Variants in FGGY observed in about 807,000 individuals in gnomAD.
FGGY encodes the protein FGGY carbohydrate kinase domain-containing protein.
A neutral mutation model predicts 71.3 loss-of-function variants in FGGY; 72 were observed. That is an observed-to-expected ratio of 1.01 (90% CI 0.84 to 1.23). The LOEUF is 1.23. Among genes scored for constraint, FGGY ranks in the 50% most tolerant of loss-of-function variants. The pLI, the probability that FGGY is intolerant of heterozygous loss-of-function variation, is 0.00. For synonymous variants in FGGY, 251 were observed against 250.3 expected (o/e 1.00, Z -0.02); for missense variants, 668 against 682.3 (o/e 0.98, Z 0.23).
At chr1:59,662,999 T>G (rs2097291218) in intron 12 of FGGY, among the ~76,000 whole-genome samples, 1 of 151,594 alleles carries the variant, frequency 6.6e-6, no homozygotes, top group Admixed American at 6.6e-5. Context: ...TGGTGTGATA[T>G]TCCCCCTTTT....
intron 1 of FGGY, among the ~76,000 whole-genome samples, chr1:59,306,843 A>G (rs969174357): frequency 6.6e-6 from 1 of 152,216 alleles, no homozygotes; most frequent in Non-Finnish European, 1.5e-5. Flanking sequence ...TAAATATATT[A>G]CCAGTCCCTT....
Position 59,607,881 on chromosome 1 carries a change from G to T in FGGY, c.982G>T (p.Glu328Ter), listed in dbSNP as rs2096638548. Residue 328 changes from glutamate (E) to a stop codon, truncating the protein, a stop_gained, in exon 9 of 16, where the codon GAA becomes TAA. Coordinates refer to ENST00000303721, the MANE Select transcript of FGGY (RefSeq NM_018291.5). LOFTEE classifies it high-confidence loss of function. ...SAMVPGFWLNEGGQSVTGKLI... is the reference protein window; with the variant it reads ...SAMVPGFWLN ...CATGGTACCTGGGTTCTGGCTGAAT[G>T]AAGGTGGTCAGAGCGTTACTGGAAA... 6.2e-7 allele frequency: 1 copy of T among 1,614,112 alleles called. No individual in the cohort carries two copies. The highest frequency in any genetic ancestry group is 8.5e-7 in the Non-Finnish European group (1 of 1,179,968).
At chr1:59,489,914 G>T (rs1017094054) in intron 6 of FGGY, among the ~76,000 whole-genome samples, 1 of 152,058 alleles carries the variant, frequency 6.6e-6, no homozygotes, top group Non-Finnish European at 1.5e-5. Context: ...TATCCTAACT[G>T]GGATAAGATG....
intron 1 of FGGY, among the ~76,000 whole-genome samples, chr1:59,314,250 C>G (rs993859716): frequency 1.3e-5 from 2 of 152,180 alleles, no homozygotes; most frequent in Admixed American, 1.3e-4. Flanking sequence ...CAGGCGTGAG[C>G]CACCGCACCT....
At chr1:59,517,316 A>AGT (rs1402647084) in intron 7 of FGGY, among the ~76,000 whole-genome samples, 1 of 115,550 alleles carries the variant, frequency 8.7e-6, no homozygotes, top group African/African-American at 3.4e-5. Flanking sequence ...CCCAGGCTGG[A>AGT]GTGCAGTGGC....
At chr1:59,332,750 C>T (rs2048741173) in intron 2 of FGGY, among the ~76,000 whole-genome samples, 1 of 152,088 alleles carries the variant, frequency 6.6e-6, no homozygotes, top group Admixed American at 6.5e-5. Flanking sequence ...AAATATTTTC[C>T]TTGCTCCTAC....
chr1:59,565,611 C>G (rs781715994), intron 8 of FGGY, among the ~76,000 whole-genome samples: 2 of 152,180 alleles, frequency 1.3e-5, no homozygotes, highest in Admixed American at 6.5e-5. Context: ...GTTTGCCACT[C>G]AGGCAGTTGG....
At chr1:59,465,096 C>T (rs976548683) in intron 6 of FGGY, among the ~76,000 whole-genome samples, 2 of 152,148 alleles carry the variant, frequency 1.3e-5, no homozygotes, top group Non-Finnish European at 2.9e-5. Flanking sequence ...TGATGAACAT[C>T]GATGCAGAAA....
At chr1:59,561,013 G>A (rs2095784678) in intron 8 of FGGY, among the ~76,000 whole-genome samples, 1 of 152,212 alleles carries the variant, frequency 6.6e-6, no homozygotes, top group African/African-American at 2.4e-5. Context: ...GGCCTGAGCA[G>A]GATGTGGGTG....
At chr1:59,421,402 T>A (rs2065393103) in intron 5 of FGGY, among the ~76,000 whole-genome samples, 1 of 152,062 alleles carries the variant, frequency 6.6e-6, no homozygotes, top group Non-Finnish European at 1.5e-5. Context: ...ACAGAAAAAT[T>A]TTTTAAAAGC....
At chr1:59,516,342 G>A (rs1183090349) in intron 7 of FGGY, among the ~76,000 whole-genome samples, 1 of 152,204 alleles carries the variant, frequency 6.6e-6, no homozygotes, top group Non-Finnish European at 1.5e-5. Flanking sequence ...AGGCACTGGA[G>A]ATTATTAGCA....
intron 6 of FGGY, among the ~76,000 whole-genome samples, chr1:59,477,458 A>G (rs1408209429): frequency 6.6e-6 from 1 of 152,168 alleles, no homozygotes; most frequent in Non-Finnish European, 1.5e-5. Flanking sequence ...CTGCGTTGCC[A>G]TGAACCCTAT....
chr1:59,414,005 A>G lies in FGGY; in HGVS notation c.554+35168A>G, dbSNP rs138506970. Reference sequence around the variant, plus strand: ...ATTTGGCAGTGCTGGACCCTTCTACATGGAGCTGGGGACAAAAATCTGCTG... The same window carrying G: ...ATTTGGCAGTGCTGGACCCTTCTACGTGGAGCTGGGGACAAAAATCTGCTG... On this transcript the variant is annotated intron_variant, in intron 5 of 15. Coordinates refer to ENST00000303721, the MANE Select transcript of FGGY (RefSeq NM_018291.5). Among the ~76,000 whole-genome samples the G allele has an allele frequency of 1.2e-4, 18 of 152,344 alleles. No individual in the cohort carries two copies. The East Asian group carries it at 2.5e-3, about 21-fold the overall frequency.
intron 2 of FGGY, among the ~76,000 whole-genome samples, chr1:59,334,327 A>G (rs1046940909): frequency 2.6e-5 from 4 of 152,050 alleles, no homozygotes; most frequent in Middle Eastern, 3.2e-3. Context: ...ATTTTTTAGT[A>G]GAGATGGGGT....
Position 59,346,332 on chromosome 1 carries a change from C to T in FGGY, c.399C>T (p.Val133=), listed in dbSNP as rs1394332486. The change falls in exon 4 of 16, where the codon GTC becomes GTT. Residue 133 remains valine, a synonymous_variant. Coordinates refer to ENST00000303721, the MANE Select transcript of FGGY (RefSeq NM_018291.5). ...GGATCAATGAGACCAAGCACAGTGT[C>T]CTCCAGTACGTCGGGGGGGTGATGT... The part of the protein sequence containing the change: ...VNRINETKHS[V]LQYVGGVMSV... 6.2e-7 allele frequency: 1 copy of T among 1,612,142 alleles called. No homozygotes were observed. The highest frequency in any genetic ancestry group is 2.2e-5 in the East Asian group (1 of 44,868).
intron 6 of FGGY, among the ~76,000 whole-genome samples, chr1:59,466,506 G>C (rs1484104023): frequency 6.6e-6 from 1 of 152,086 alleles, no homozygotes; most frequent in East Asian, 1.9e-4. Flanking sequence ...TTGACAAATG[G>C]GATCTCATTA....
rs566333092 is a variant in FGGY at position 59,581,305 on chromosome 1, C to T, written c.904-26498C>T. ...ATGAGGGGAAATTTAATCAGGATCC[C>T]TAGTTGAGAACATTTCTATTGGAGA... is the stretch of plus-strand genomic sequence containing the variant. On this transcript the variant is annotated intron_variant, in intron 8 of 15. Coordinates refer to ENST00000303721, the MANE Select transcript of FGGY (RefSeq NM_018291.5). Among the ~76,000 whole-genome samples, 4 of 150,014 alleles carry T rather than the reference C, an allele frequency of 2.7e-5. 1 individual carries two copies. The highest frequency in any genetic ancestry group is 7.6e-5 in the African/African-American group (3 of 39,728).
At chr1:59,520,482 T>G (rs1432703751) in intron 7 of FGGY, among the ~76,000 whole-genome samples, 1 of 152,180 alleles carries the variant, frequency 6.6e-6, no homozygotes, top group African/African-American at 2.4e-5. Context: ...ATCTCCAAAT[T>G]TAATCCATTC....
At chr1:59,591,834 C>A (rs1208633318) in intron 8 of FGGY, among the ~76,000 whole-genome samples, 4 of 152,188 alleles carry the variant, frequency 2.6e-5, no homozygotes, top group African/African-American at 2.4e-5. Flanking sequence ...ACCATAAAAA[C>A]CCTAGAAGAA....
Sources: allele counts gnomAD v4.1 joint callset (sites outside exome capture counted in the v4.1 genomes callset), GRCh38; gene constraint gnomAD v4.1.1; transcripts MANE v1.5; gene names NCBI Gene and HGNC (gene_info 2026-07-23, HGNC 2026-07-21).